Variants in CPED1 observed in about 807,000 individuals in gnomAD.
CPED1 encodes cadherin like and PC-esterase domain containing 1, also known as cadherin-like and PC-esterase domain-containing protein 1.
In CPED1, 114 loss-of-function variants were observed where a neutral mutation model predicts 128.2. The observed-to-expected ratio is 0.89, with a 90% CI of 0.76 to 1.04. The LOEUF (loss-of-function observed/expected upper bound fraction) is 1.04, where lower values mean the gene tolerates loss of function less well. Among genes scored for constraint, CPED1 ranks in the 50% least tolerant of loss-of-function variants. The pLI, the probability that CPED1 is intolerant of heterozygous loss-of-function variation, is 0.00. For missense variants in CPED1, 1,211 were observed against 1,207.1 expected (o/e 1.00, Z -0.05); for synonymous variants, 462 against 426.7 (o/e 1.08, Z -1.02).
At chr7:121,189,013 T>C (rs1437088871) in intron 16 of CPED1, among the ~76,000 whole-genome samples, 4 of 152,180 alleles carry the variant, frequency 2.6e-5, no homozygotes, top group African/African-American at 9.7e-5. Flanking sequence ...TCATCCTTTG[T>C]CTGATTATCT....
At chr7:121,295,176 A>ACAC (rs1584661563) in intron 22 of CPED1, among the ~76,000 whole-genome samples, 2 of 90,774 alleles carry the variant, frequency 2.2e-5, no homozygotes, top group Non-Finnish European at 4.5e-5. Flanking sequence ...CACACACACA[A>ACAC]AGACTAGAAG....
chr7:121,247,831 C>G (rs1378103424), intron 18 of CPED1, among the ~76,000 whole-genome samples: 1 of 152,150 alleles, frequency 6.6e-6, no homozygotes, highest in East Asian at 1.9e-4. Flanking sequence ...CCCAAGTTTC[C>G]CTATCTCCCT....
intron 9 of CPED1, 147 bp downstream of exon 9, chr7:121,126,039 A>G: frequency 3.2e-6 from 2 of 621,392 alleles, no homozygotes; most frequent in Non-Finnish European, 5.7e-6. Context: ...ACTGTGGTTC[A>G]GACAATTAAC....
rs544065184 is a variant in CPED1 at position 121,249,141 on chromosome 7, A to G, written c.2310+4803A>G. 2.0e-5 allele frequency among the ~76,000 whole-genome samples: 3 copies of G among 152,298 alleles called. No homozygotes were observed. The South Asian group carries it at 6.2e-4, about 32-fold the overall frequency. Reference sequence around the variant, plus strand: ...CAAGAATAAAGAAAAAAGTACTTGAAAAAATTAAACAAAAACTCCAAGAAA... The same window carrying G: ...CAAGAATAAAGAAAAAAGTACTTGAGAAAATTAAACAAAAACTCCAAGAAA... On this transcript the variant is annotated intron_variant, in intron 18 of 22. Transcript: ENST00000310396.
At chr7:121,021,504 T>A (rs1409601176) in intron 3 of CPED1, among the ~76,000 whole-genome samples, 1 of 152,020 alleles carries the variant, frequency 6.6e-6, no homozygotes, top group Non-Finnish European at 1.5e-5. Flanking sequence ...CATTTTTCTT[T>A]TTATTTGTAA....
intron 3 of CPED1, among the ~76,000 whole-genome samples, chr7:121,036,505 A>T (rs1397032147): frequency 5.1e-4 from 69 of 135,508 alleles, no homozygotes; most frequent in Non-Finnish European, 1.8e-4. Context: ...ATATATATAT[A>T]TATTTTTTTT....
chr7:121,120,407 G>A (rs1032827101), intron 7 of CPED1, among the ~76,000 whole-genome samples: 9 of 152,030 alleles, frequency 5.9e-5, no homozygotes, highest in Non-Finnish European at 8.8e-5. Context: ...TAGTGATATC[G>A]AGCATCTTTT....
chr7:121,018,072 G>A (rs1277402875), intron 3 of CPED1, among the ~76,000 whole-genome samples: 1 of 151,994 alleles, frequency 6.6e-6, no homozygotes, highest in Non-Finnish European at 1.5e-5. Context: ...ATGGAACATT[G>A]ATTTTTGTTT....
chr7:121,085,985 C>G (rs971468238), intron 5 of CPED1, among the ~76,000 whole-genome samples: 1 of 152,048 alleles, frequency 6.6e-6, no homozygotes, highest in African/African-American at 2.4e-5. Flanking sequence ...CCATTGTGAT[C>G]CAAATATTGC....
rs551547625 is a variant in CPED1, at chr7:121,172,516, A to G, written c.2055+30375A>G. On this transcript the variant is annotated intron_variant, in intron 16 of 22. Coordinates refer to ENST00000310396, the MANE Select transcript of CPED1 (RefSeq NM_024913.5). ...TAGAAAGGTAAACCAATTTAAATAA[A>G]ATATGTTTAAAAACTTTATATGTTT... Among the ~76,000 whole-genome samples, 110 of 152,234 alleles carry G rather than the reference A, an allele frequency of 7.2e-4. 1 individual carries two copies. The highest frequency in any genetic ancestry group is 2.5e-3 in the African/African-American group (103 of 41,550).
chr7:121,156,337 T>G (rs1300955398), intron 16 of CPED1, among the ~76,000 whole-genome samples: 1 of 152,128 alleles, frequency 6.6e-6, no homozygotes, highest in Non-Finnish European at 1.5e-5. Context: ...CACTGTTGAG[T>G]ATATATCCAA....
chr7:121,149,637 A>G (rs1796106773), intron 16 of CPED1: 1 of 152,234 alleles, frequency 6.6e-6, no homozygotes, highest in South Asian at 2.1e-4. Flanking sequence ...CATCCAGAGA[A>G]GTTTCTGTAA....
intron 14 of CPED1, among the ~76,000 whole-genome samples, chr7:121,140,307 T>G (rs1367511553): frequency 6.6e-6 from 1 of 152,014 alleles, no homozygotes; most frequent in East Asian, 1.9e-4. Context: ...CCTTTGTTTT[T>G]GTGTCTGTTT....
At chr7:121,085,849 G>T (rs1204325086) in intron 5 of CPED1, among the ~76,000 whole-genome samples, 2 of 152,198 alleles carry the variant, frequency 1.3e-5, no homozygotes, top group East Asian at 3.8e-4. Context: ...TTGGGGGGTT[G>T]TCATGGTGTG....
rs923678291 is a variant in CPED1, at chr7:121,105,231, T to C, written c.918+5137T>C. Among the ~76,000 whole-genome samples the C allele has an allele frequency of 2.6e-5, 4 of 152,158 alleles. No homozygotes were observed. In the South Asian group the frequency reaches 6.2e-4, roughly 24 times the overall value. On this transcript the variant is annotated intron_variant, in intron 7 of 22. Transcript: ENST00000310396. ...ATATCCCTTATTCATTTTGGAAATA[T>C]GACACAGTTGTAGGGATGAAGTTAG...
At chr7:121,092,312 T>C (rs1794593364) in intron 5 of CPED1, among the ~76,000 whole-genome samples, 1 of 152,196 alleles carries the variant, frequency 6.6e-6, no homozygotes, top group African/African-American at 2.4e-5. Context: ...CTTATACAAA[T>C]CCAGTGAAGT....
At chr7:121,190,328 G>T (rs1336955030) in intron 16 of CPED1, among the ~76,000 whole-genome samples, 1 of 146,324 alleles carries the variant, frequency 6.8e-6, no homozygotes, top group Non-Finnish European at 1.5e-5. Context: ...GAGCGGGGAG[G>T]TTGCAGTGAG....
chr7:121,049,689 T>C (rs913635435), intron 4 of CPED1, among the ~76,000 whole-genome samples: 1 of 152,244 alleles, frequency 6.6e-6, no homozygotes, highest in Non-Finnish European at 1.5e-5. Flanking sequence ...GCAAGTGATA[T>C]GAAACTGCTT....
rs185387591 is a variant in CPED1 at position 121,220,354 on chromosome 7, C to T, written c.2056-16360C>T. Among the ~76,000 whole-genome samples, 39 of 152,060 alleles carry T rather than the reference C, an allele frequency of 2.6e-4. 1 individual carries two copies. The highest frequency in any genetic ancestry group is 2.4e-3 in the Admixed American group (36 of 15,260). On this transcript the variant is annotated intron_variant, in intron 16 of 22. Transcript: ENST00000310396. ...TCTAGCATGTTCCAGGTGCTCATCC[C>T]CCTACCTGGAACATTTGCTTAACTC...
Sources: allele counts gnomAD v4.1 joint callset (sites outside exome capture counted in the v4.1 genomes callset), GRCh38; gene constraint gnomAD v4.1.1; transcripts MANE v1.5; gene names NCBI Gene and HGNC (gene_info 2026-07-23, HGNC 2026-07-21).